The following ZEB1 variants were observed in gnomAD, a reference collection of about 807,000 sequenced individuals.
ZEB1 encodes the protein zinc finger E-box binding homeobox 1, also known as zinc finger E-box-binding homeobox 1.
ZEB1 carries 21 observed loss-of-function variants against 84.9 expected under a neutral mutation model. The ratio of observed to expected loss-of-function variants is 0.25; its 90% CI spans 0.18 to 0.36. The LOEUF (loss-of-function observed/expected upper bound fraction) is 0.36. Among genes scored for constraint, ZEB1 ranks in the 10% least tolerant of loss-of-function variants. The pLI, the probability that ZEB1 is intolerant of heterozygous loss-of-function variation, is 1.00. For synonymous variants in ZEB1, 420 were observed against 471.1 expected (o/e 0.89, Z 1.41); for missense variants, 1,104 against 1,330.2 (o/e 0.83, Z 2.65).
chr10:31,446,862 TGTG>T (rs1188358173), intron 1 of ZEB1, among the ~76,000 whole-genome samples: 1 of 151,930 alleles, frequency 6.6e-6, no homozygotes, highest in East Asian at 1.9e-4. Context: ...ATAGGTGTGG[TGTG>T]GTGCTGAAAA....
chr10:31,435,919 T>C (rs1275852059), intron 1 of ZEB1, among the ~76,000 whole-genome samples: 1 of 152,176 alleles, frequency 6.6e-6, no homozygotes, highest in African/African-American at 2.4e-5. Context: ...GGAAGCAAAC[T>C]AGTGGCATTG....
At chr10:31,321,093 C>T (rs1445618666) in intron 1 of ZEB1, 2 of 991,408 alleles carry the variant, frequency 2.0e-6, no homozygotes, top group Middle Eastern at 5.1e-4. Flanking sequence ...GGAGAAAACT[C>T]TCTCGTGCTC....
At position 31,527,096 on chromosome 10, in the gene ZEB1, G is replaced by GGAA. The variant is rs772066684; in HGVS notation, c.3215_3217dup (p.Glu1072dup). On this transcript the variant is annotated inframe_insertion, in exon 9 of 9. Coordinates refer to ENST00000424869, the MANE Select transcript of ZEB1 (RefSeq NM_001174096.2). Reference sequence around the variant, plus strand: ...GGGATGAGGAAGAGGAGGAGGAGGAGGAAGAAGTGGAAGAAGAAGAGGTAG... The same window carrying GGAA: ...GGGATGAGGAAGAGGAGGAGGAGGAGGAAGAAGAAGTGGAAGAAGAAGAGGTAG... The GGAA allele has an allele frequency of 1.5e-5, 24 of 1,591,362 alleles. No individual in the cohort carries two copies. Among genetic ancestry groups the GGAA allele is most frequent in the Middle Eastern group, 3.3e-4 (2 of 6,042 alleles).
At chr10:31,447,984 C>G (rs373761921) in intron 1 of ZEB1, among the ~76,000 whole-genome samples, 3 of 151,448 alleles carry the variant, frequency 2.0e-5, no homozygotes, top group Non-Finnish European at 4.4e-5. Context: ...GGGAAGTTCT[C>G]CTGGATAATA....
At chr10:31,352,233 T>C (rs2041436604) in intron 1 of ZEB1, among the ~76,000 whole-genome samples, 1 of 152,230 alleles carries the variant, frequency 6.6e-6, no homozygotes, top group African/African-American at 2.4e-5. Flanking sequence ...TTATGAAACA[T>C]TGTGATTTTA....
rs968056010 is a variant in ZEB1, at chr10:31,529,648, A to G, written c.*2384A>G. ...GGACAACAGATATTTGTTGAATAAA[A>G]ATATAATTTGCATGTTTATGGAGCT... is the stretch of plus-strand genomic sequence containing the variant. On this transcript the variant is annotated 3_prime_UTR_variant, in exon 9 of 9. Transcript: ENST00000424869. 3.9e-5 allele frequency: 6 copies of G among 152,214 alleles called. No individual in the cohort carries two copies. Among genetic ancestry groups the G allele is most frequent in the Non-Finnish European group, 8.8e-5 (6 of 68,042 alleles). The allele number at this position is 152,214 out of a possible 1,614,324, so 9.4% of individuals were successfully genotyped here.
At chr10:31,421,747 G>A (rs558841617) in intron 1 of ZEB1, among the ~76,000 whole-genome samples, 12 of 152,122 alleles carry the variant, frequency 7.9e-5, no homozygotes, top group African/African-American at 2.9e-4. Context: ...AGTTGTTTCT[G>A]TCAATTAAAA....
intron 2 of ZEB1, among the ~76,000 whole-genome samples, chr10:31,480,726 C>T (rs1053707772): frequency 3.3e-5 from 5 of 151,882 alleles, no homozygotes; most frequent in Admixed American, 2.6e-4. Context: ...ACATTTTGTC[C>T]TCTTTAAAAA....
chr10:31,399,335 C>T (rs2051452996), intron 1 of ZEB1, among the ~76,000 whole-genome samples: 3 of 152,022 alleles, frequency 2.0e-5, no homozygotes, highest in Admixed American at 2.0e-4. Context: ...AACTGAATTC[C>T]TCATCTTTCC....
At chr10:31,327,099 C>CTTTTTTTTTTTTTTTTTTTTTTTT (rs71527629) in intron 1 of ZEB1, among the ~76,000 whole-genome samples, 5 of 84,962 alleles carry the variant, frequency 5.9e-5, no homozygotes, top group African/African-American at 1.5e-4. Flanking sequence ...CTTTTCTTTT[C>CTTTTTTTTTTTTTTTTTTTTTTTT]TTTTTTTTTT....
chr10:31,400,689 G>A (rs977811192), intron 1 of ZEB1, among the ~76,000 whole-genome samples: 1 of 152,056 alleles, frequency 6.6e-6, no homozygotes, highest in African/African-American at 2.4e-5. Context: ...AGGCAGTACA[G>A]AGACTGAACT....
chr10:31,424,044 G>T (rs117090121), intron 1 of ZEB1, among the ~76,000 whole-genome samples: 2 of 151,928 alleles, frequency 1.3e-5, no homozygotes, highest in Non-Finnish European at 2.9e-5. Context: ...TTGTTTGGTT[G>T]ATTTCAGCCA....
intron 1 of ZEB1, among the ~76,000 whole-genome samples, chr10:31,432,382 A>C: frequency 6.6e-6 from 1 of 152,210 alleles, no homozygotes; most frequent in Non-Finnish European, 1.5e-5. Context: ...TAAGCCCAGG[A>C]GTTTGAGACT....
At position 31,528,855 on chromosome 10, in the gene ZEB1, TGTATTA is replaced by T. The variant is rs1322734733; in HGVS notation, c.*1594_*1599del. 1 of 152,202 alleles carries T rather than the reference TGTATTA, an allele frequency of 6.6e-6. No individual in the cohort carries two copies. The highest frequency in any genetic ancestry group is 2.4e-5 in the African/African-American group (1 of 41,460). The allele number at this position is 152,202 out of a possible 1,614,324, so 9.4% of individuals were successfully genotyped here. On this transcript the variant is annotated 3_prime_UTR_variant, in exon 9 of 9. Transcript: ENST00000424869. ...CTGTAGAACAGAACTTAAATGGGAA[TGTATTA>T]GTTTTACAACTACAATCAAGTCATT... is the stretch of plus-strand genomic sequence containing the variant.
intron 1 of ZEB1, among the ~76,000 whole-genome samples, chr10:31,411,866 T>C (rs1169091638): frequency 6.6e-6 from 1 of 152,152 alleles, no homozygotes; most frequent in East Asian, 1.9e-4. Flanking sequence ...TTTATTCTAA[T>C]AAACTGTGGA....
At chr10:31,490,165 G>A (rs1292504290) in intron 2 of ZEB1, among the ~76,000 whole-genome samples, 1 of 151,182 alleles carries the variant, frequency 6.6e-6, no homozygotes, top group Admixed American at 6.6e-5. Context: ...TGATGGGTTC[G>A]AGCCTAGATT....
At chr10:31,446,109 A>G (rs1276238973) in intron 1 of ZEB1, among the ~76,000 whole-genome samples, 1 of 151,232 alleles carries the variant, frequency 6.6e-6, no homozygotes, top group Non-Finnish European at 1.5e-5. Context: ...TTATTGGTCT[A>G]TTCAGAGATT....
intron 1 of ZEB1, among the ~76,000 whole-genome samples, chr10:31,352,134 T>C (rs1178090010): frequency 1.3e-5 from 2 of 152,300 alleles, no homozygotes; most frequent in South Asian, 2.1e-4. Context: ...CCTATTTGCC[T>C]TTCTTTTTCA....
chr10:31,328,802 A>G (rs1004786219), intron 1 of ZEB1, among the ~76,000 whole-genome samples: 2 of 152,134 alleles, frequency 1.3e-5, no homozygotes, highest in Admixed American at 6.5e-5. Context: ...TTATTCTGTT[A>G]CATAAATCAA....
Sources: allele counts gnomAD v4.1 joint callset (sites outside exome capture counted in the v4.1 genomes callset), GRCh38; gene constraint gnomAD v4.1.1; transcripts MANE v1.5; gene names NCBI Gene and HGNC (gene_info 2026-07-23, HGNC 2026-07-21).